TBCA: variants seen among roughly 807,000 people sequenced by gnomAD.
TBCA encodes tubulin folding cofactor A.
In TBCA, 6 loss-of-function variants were observed where a neutral mutation model predicts 15.8. The observed-to-expected ratio is 0.38, with a 90% CI of 0.21 to 0.75. The LOEUF (loss-of-function observed/expected upper bound fraction) is 0.75, where lower values mean the gene tolerates loss of function less well. Among genes scored for constraint, TBCA ranks in the 30% least tolerant of loss-of-function variants. The pLI, the probability that TBCA is intolerant of heterozygous loss-of-function variation, is 0.46. For missense variants in TBCA, 90 were observed against 131.2 expected (o/e 0.69, Z 1.53); for synonymous variants, 32 against 42.3 (o/e 0.76, Z 0.94).
intron 2 of TBCA, among the ~76,000 whole-genome samples, chr5:77,703,283 A>G (rs1271599099): frequency 1.5e-5 from 2 of 130,658 alleles, no homozygotes; most frequent in African/African-American, 5.5e-5. Context: ...GAGAAATGAC[A>G]GAGATATGTC....
intron 2 of TBCA, among the ~76,000 whole-genome samples, chr5:77,695,602 C>T (rs1745855129): frequency 6.6e-6 from 1 of 152,112 alleles, no homozygotes; most frequent in African/African-American, 2.4e-5. Flanking sequence ...AATTTTAAAA[C>T]ACAGTATATG....
At chr5:77,760,407 T>C (rs1036958788) in intron 1 of TBCA, among the ~76,000 whole-genome samples, 41 of 152,138 alleles carry the variant, frequency 2.7e-4, no homozygotes, top group African/African-American at 9.6e-4. Context: ...TCCTTTCCTT[T>C]CCTCCTTTCC....
chr5:77,733,138 A>G (rs1477466804), intron 1 of TBCA, among the ~76,000 whole-genome samples: 2 of 152,164 alleles, frequency 1.3e-5, no homozygotes, highest in East Asian at 3.9e-4. Context: ...AAAATTATCC[A>G]GACATCGTGG....
In TBCA at chr5:77,721,919, T is replaced by C. The variant is rs115007613; in HGVS notation, c.54-13572A>G. ...TGCCAGTAAACATTATTTTAAAATG[T>C]TGCATTTTCACAACTGGAGGCTTAA... On this transcript the variant is annotated intron_variant, in intron 1 of 3. Coordinates refer to ENST00000380377, the MANE Select transcript of TBCA (RefSeq NM_004607.3). Among the ~76,000 whole-genome samples the C allele has an allele frequency of 7.6e-3, 1,164 of 152,212 alleles. 15 individuals carry two copies. Among genetic ancestry groups the C allele is most frequent in the African/African-American group, 0.026 (1,064 of 41,558 alleles).
intron 1 of TBCA, among the ~76,000 whole-genome samples, chr5:77,765,401 T>C (rs1481609513): frequency 1.3e-5 from 2 of 152,218 alleles, no homozygotes; most frequent in African/African-American, 4.8e-5. Flanking sequence ...AATGCATTTT[T>C]AGTACTATCA....
intron 1 of TBCA, among the ~76,000 whole-genome samples, chr5:77,716,551 A>G (rs780779739): frequency 3.9e-5 from 6 of 152,214 alleles, no homozygotes; most frequent in Non-Finnish European, 7.3e-5. Context: ...AATGCCATAT[A>G]TATCATTTAA....
intron 1 of TBCA, among the ~76,000 whole-genome samples, chr5:77,740,255 G>A (rs925639723): frequency 3.3e-5 from 5 of 152,266 alleles, no homozygotes; most frequent in East Asian, 1.9e-4. Flanking sequence ...TGAAACAACC[G>A]AATTTTTCCT....
intron 1 of TBCA, among the ~76,000 whole-genome samples, chr5:77,710,953 T>C (rs961168690): frequency 3.9e-5 from 6 of 152,188 alleles, no homozygotes; most frequent in African/African-American, 9.7e-5. Flanking sequence ...TAAATTCCCC[T>C]AGTAATGAAA....
intron 1 of TBCA, among the ~76,000 whole-genome samples, chr5:77,741,143 G>A (rs186402918): frequency 2.1e-3 from 323 of 152,236 alleles, no homozygotes; most frequent in South Asian, 0.017. Context: ...ACTAAGAAAA[G>A]AAATCAGACT....
chr5:77,715,394 T>C (rs1746374331), intron 1 of TBCA: 3 of 637,638 alleles, frequency 4.7e-6, no homozygotes, highest in Non-Finnish European at 8.4e-6. Flanking sequence ...AGGATCTTAG[T>C]GTGAGCTCTT....
At chr5:77,750,014 C>T (rs1747279906) in intron 1 of TBCA, among the ~76,000 whole-genome samples, 2 of 151,956 alleles carry the variant, frequency 1.3e-5, no homozygotes. Context: ...TGGAAAGAGA[C>T]ACCAAAAAAT....
At chr5:77,718,669 G>A (rs1032927135) in intron 1 of TBCA, among the ~76,000 whole-genome samples, 9 of 152,134 alleles carry the variant, frequency 5.9e-5, no homozygotes, top group Admixed American at 4.6e-4. Flanking sequence ...CCAAACTTGA[G>A]AATTATAGTT....
chr5:77,715,714 A>G (rs76396551), intron 1 of TBCA, among the ~76,000 whole-genome samples: 2,867 of 152,312 alleles, frequency 0.019, 89 homozygotes, highest in African/African-American at 0.066. Flanking sequence ...GAACACAATA[A>G]GCAGTTAATA....
chr5:77,715,492 GAA>G (rs1404612197), intron 1 of TBCA, among the ~76,000 whole-genome samples: 47 of 152,124 alleles, frequency 3.1e-4, no homozygotes, highest in Non-Finnish European at 6.3e-4. Context: ...ATATAATAAA[GAA>G]GTCATGTTTT....
At chr5:77,718,562 C>A (rs576436707) in intron 1 of TBCA, among the ~76,000 whole-genome samples, 2 of 152,292 alleles carry the variant, frequency 1.3e-5, no homozygotes, top group South Asian at 4.1e-4. Flanking sequence ...ATGGTCTATA[C>A]AGTACAATGT....
At chr5:77,692,116 G>A (rs1436848079) in intron 3 of TBCA, 1 of 982,686 alleles carries the variant, frequency 1.0e-6, no homozygotes, top group African/African-American at 1.8e-5. Context: ...AATGATAACA[G>A]ACAAATGAAA....
chr5:77,737,101 T>A lies in TBCA; in HGVS notation c.54-28754A>T, dbSNP rs192225490. The stretch of plus-strand genomic sequence containing the variant: ...CTTACAATTGAATAGTTTTCCTGTT[T>A]GTGTAAACCAAGAATTACAGTGACA... On this transcript the variant is annotated intron_variant, in intron 1 of 3. Transcript: ENST00000380377. Among the ~76,000 whole-genome samples the A allele has an allele frequency of 2.6e-5, 4 of 152,324 alleles. No individual in the cohort carries two copies. In the East Asian group the frequency reaches 7.7e-4, roughly 29 times the overall value.
intron 1 of TBCA, among the ~76,000 whole-genome samples, chr5:77,748,335 C>T (rs1332887037): frequency 6.6e-6 from 1 of 151,400 alleles, no homozygotes; most frequent in Non-Finnish European, 1.5e-5. Flanking sequence ...TAATTACCAC[C>T]TACTTCTCTT....
At chr5:77,723,022 C>A (rs973527398) in intron 1 of TBCA, among the ~76,000 whole-genome samples, 3 of 151,572 alleles carry the variant, frequency 2.0e-5, no homozygotes, top group Admixed American at 6.6e-5. Flanking sequence ...TAAAAGAATT[C>A]TAATTTGCTT....
Sources: gnomAD v4.1 joint callset for allele counts (sites outside exome capture counted in the v4.1 genomes callset) on GRCh38, gnomAD v4.1.1 for gene constraint, MANE v1.5 for transcripts, NCBI Gene and HGNC (gene_info 2026-07-23, HGNC 2026-07-21) for gene names.